Variants in RAI1 observed in about 807,000 individuals in gnomAD.
The protein encoded by RAI1 is retinoic acid-induced protein 1.
In RAI1, 9 loss-of-function variants were observed where a neutral mutation model predicts 123.8. The observed-to-expected ratio is 0.07, with a 90% CI of 0.04 to 0.13. The LOEUF (loss-of-function observed/expected upper bound fraction) is 0.13. RAI1 is among the 10% of genes least tolerant of loss of function. The pLI, the probability that RAI1 is intolerant of heterozygous loss-of-function variation, is 1.00. For synonymous variants in RAI1, 1,231 were observed against 1,127.3 expected (o/e 1.09, Z -1.84); for missense variants, 2,256 against 2,545.8 (o/e 0.89, Z 2.45).
intron 2 of RAI1, among the ~76,000 whole-genome samples, chr17:17,786,298 T>C (rs1057470728): frequency 1.3e-5 from 2 of 152,236 alleles, no homozygotes. Context: ...CACTGCTCTT[T>C]CTGGATATTT....
At chr17:17,786,194 T>TCG (rs1242051836) in intron 2 of RAI1, among the ~76,000 whole-genome samples, 1 of 152,100 alleles carries the variant, frequency 6.6e-6, no homozygotes, top group African/African-American at 2.4e-5. Flanking sequence ...CTGCCAGGCC[T>TCG]CGGGAAGATG....
rs746449856 is a variant in RAI1, at chr17:17,797,889, C to T, written c.4941C>T (p.Ala1647=). ...CGTTCTCCTTGGATGCAGCCGGGGC[C>T]TCCCTGGCCACACTCCCTGGAGGCT... The part of the protein sequence containing the change: ...SSSFSLDAAG[A]SLATLPGGSI... The change falls in exon 3 of 6, where the codon GCC becomes GCT. Residue 1647 remains alanine, a synonymous_variant. Coordinates refer to ENST00000353383, the MANE Select transcript of RAI1 (RefSeq NM_030665.4). The T allele has an allele frequency of 1.2e-6, 2 of 1,613,862 alleles. No homozygotes were observed. Among genetic ancestry groups the T allele is most frequent in the Non-Finnish European group, 1.7e-6 (2 of 1,180,010 alleles).
chr17:17,794,992 T>C lies in RAI1; in HGVS notation c.2044T>C (p.Phe682Leu). Reference protein sequence around the residue: ...QLDKGGNAKDFSPGLFEDPSV... With the variant: ...QLDKGGNAKDLSPGLFEDPSV... ...GGACAAGGGCGGCAATGCCAAGGACTTCAGCCCAGGGCTGTTTGAAGACCC... is the reference window on the plus strand; with the variant it reads ...GGACAAGGGCGGCAATGCCAAGGACCTCAGCCCAGGGCTGTTTGAAGACCC... Residue 682 changes from phenylalanine (F) to leucine (L), a missense_variant, in exon 3 of 6, where the codon TTC becomes CTC. By Grantham distance (22) the Phe-to-Leu change is conservative. Coordinates refer to ENST00000353383, the MANE Select transcript of RAI1 (RefSeq NM_030665.4). 6.2e-7 allele frequency: 1 copy of C among 1,614,026 alleles called. No homozygotes were observed. Among genetic ancestry groups the C allele is most frequent in the South Asian group, 1.1e-5 (1 of 91,086 alleles).
chr17:17,724,473 C>T (rs1044130798), intron 2 of RAI1, among the ~76,000 whole-genome samples: 1 of 151,008 alleles, frequency 6.6e-6, no homozygotes, highest in Admixed American at 6.6e-5. Flanking sequence ...CCCCCCTCCC[C>T]TTTCCTCCAC....
intron 2 of RAI1, among the ~76,000 whole-genome samples, chr17:17,738,303 G>A (rs901647624): frequency 3.3e-5 from 5 of 150,714 alleles, no homozygotes; most frequent in African/African-American, 1.2e-4. Context: ...GTGGGCTGGG[G>A]TGGGTGAGGG....
chr17:17,726,652 G>A (rs1354746481), intron 2 of RAI1, among the ~76,000 whole-genome samples: 1 of 152,082 alleles, frequency 6.6e-6, no homozygotes, highest in Non-Finnish European at 1.5e-5. Flanking sequence ...TTTCTCAATT[G>A]GAAGCATCTA....
At chr17:17,781,275 C>T (rs2142998197) in intron 2 of RAI1, among the ~76,000 whole-genome samples, 2 of 152,360 alleles carry the variant, frequency 1.3e-5, no homozygotes, top group African/African-American at 4.8e-5. Context: ...TCTTACCCCA[C>T]CTCCTTCAGG....
At chr17:17,736,015 G>A (rs555544306) in intron 2 of RAI1, among the ~76,000 whole-genome samples, 1 of 152,190 alleles carries the variant, frequency 6.6e-6, no homozygotes, top group South Asian at 2.1e-4. Context: ...TGTTATGTGT[G>A]TGCATCTGTG....
chr17:17,728,147 G>A (rs778769337), intron 2 of RAI1, among the ~76,000 whole-genome samples: 3 of 151,990 alleles, frequency 2.0e-5, no homozygotes, highest in Non-Finnish European at 4.4e-5. Flanking sequence ...CCCCGAGCTC[G>A]GTCTTGTGTG....
intron 2 of RAI1, among the ~76,000 whole-genome samples, chr17:17,771,296 C>G (rs2031148548): frequency 6.6e-6 from 1 of 152,238 alleles, no homozygotes; most frequent in East Asian, 1.9e-4. Context: ...CAAATTCGTT[C>G]ACTCATTCAT....
intron 2 of RAI1, among the ~76,000 whole-genome samples, chr17:17,743,055 C>G (rs58279487): frequency 0.012 from 1,901 of 152,290 alleles, 48 homozygotes; most frequent in African/African-American, 0.043. Context: ...GTGACATGAT[C>G]ACAGCTCACC....
At chr17:17,690,389 C>CAA (rs34265723) in intron 1 of RAI1, among the ~76,000 whole-genome samples, 11 of 122,312 alleles carry the variant, frequency 9.0e-5, no homozygotes, top group African/African-American at 3.0e-4. Context: ...GACCTTGTCT[C>CAA]AAAAAAAAAA....
intron 1 of RAI1, among the ~76,000 whole-genome samples, chr17:17,695,423 C>G (rs976812032): frequency 2.0e-5 from 3 of 152,186 alleles, no homozygotes; most frequent in Admixed American, 2.0e-4. Context: ...GGAGCCTCTT[C>G]CAGAACTTTG....
In RAI1 at chr17:17,793,345, C is replaced by T. The variant is rs183251531; in HGVS notation, c.397C>T (p.Pro133Ser). ...ACAGCCACCACCCCCACAGCCGCAG[C>T]CACTACCTGCAGGGGTGGCCAAGTA... ...APQPPPPQPQ[P>S]LPAGVAKYDE... Residue 133 changes from proline (P) to serine (S), a missense_variant, in exon 3 of 6, where the codon CCA (proline) becomes TCA (serine). Pro to Ser is a moderately conservative substitution (Grantham distance 74). Coordinates refer to ENST00000353383, the MANE Select transcript of RAI1 (RefSeq NM_030665.4). 24 of 1,612,914 alleles carry T rather than the reference C, an allele frequency of 1.5e-5. No homozygotes were observed. In the African/African-American group the frequency reaches 2.4e-4, roughly 16 times the overall value.
In RAI1 at chr17:17,690,105, C is replaced by T. The variant is rs114415622; in HGVS notation, c.-149+8312C>T. ...ATTTTAGAAGGAATTTCATTCCTAG[C>T]CGGGCACCGTGGCTCACGCCTGCAA... On this transcript the variant is annotated intron_variant, in intron 1 of 5. Transcript: ENST00000353383. Among the ~76,000 whole-genome samples the T allele has an allele frequency of 3.1e-3, 477 of 152,278 alleles. 6 individuals are homozygous for T. Among genetic ancestry groups the T allele is most frequent in the East Asian group, 0.024 (125 of 5,176 alleles).
chr17:17,704,872 C>T (rs558360683), intron 1 of RAI1, among the ~76,000 whole-genome samples: 2 of 148,554 alleles, frequency 1.3e-5, no homozygotes, highest in East Asian at 4.0e-4. Context: ...GGTGGGGGGG[C>T]CGGGGGAGGG....
At chr17:17,749,184 G>A (rs1169371308) in intron 2 of RAI1, among the ~76,000 whole-genome samples, 1 of 152,246 alleles carries the variant, frequency 6.6e-6, no homozygotes, top group South Asian at 2.1e-4. Flanking sequence ...CGCCTGAGCT[G>A]CCTCCAGGGA....
At chr17:17,719,569 A>G (rs146562370) in intron 1 of RAI1, among the ~76,000 whole-genome samples, 2,659 of 152,248 alleles carry the variant, frequency 0.017, 76 homozygotes, top group African/African-American at 0.06. Flanking sequence ...CCTTGGCTTT[A>G]TTTATTTTTC....
At chr17:17,708,399 CATAT>C (rs533579643) in intron 1 of RAI1, among the ~76,000 whole-genome samples, 5 of 141,442 alleles carry the variant, frequency 3.5e-5, no homozygotes, top group Non-Finnish European at 7.8e-5. Context: ...CCTCTCTTCT[CATAT>C]ATATATATAC....
Sources: allele counts gnomAD v4.1 joint callset (sites outside exome capture counted in the v4.1 genomes callset), GRCh38; gene constraint gnomAD v4.1.1; transcripts MANE v1.5; gene names NCBI Gene and HGNC (gene_info 2026-07-23, HGNC 2026-07-21).